MYO18B: variants seen among roughly 807,000 people sequenced by gnomAD.
MYO18B encodes myosin XVIIIB, also known as unconventional myosin-XVIIIb.
Under a neutral mutation model 273.0 loss-of-function variants are expected in MYO18B, and 204 were observed. The ratio of observed to expected loss-of-function variants is 0.75; its 90% CI spans 0.67 to 0.84. The LOEUF (loss-of-function observed/expected upper bound fraction) is 0.84, where lower values mean the gene tolerates loss of function less well. Ranked by LOEUF, MYO18B falls within the 40% of genes least tolerant of loss-of-function variation. The pLI, the probability that MYO18B is intolerant of heterozygous loss-of-function variation, is 0.00. For synonymous variants in MYO18B, 1,330 were observed against 1,305.7 expected, an observed-to-expected ratio of 1.02 and a Z score of -0.40; for missense variants, 3,212 against 3,287.6, an observed-to-expected ratio of 0.98 and a Z score of 0.56.
At chr22:25,746,050 C>G (rs1202319850) in intron 1 of MYO18B, among the ~76,000 whole-genome samples, 1 of 152,174 alleles carries the variant, frequency 6.6e-6, no homozygotes, top group African/African-American at 2.4e-5. Flanking sequence ...GAATACCTTC[C>G]TGCCAGAGAC....
intron 38 of MYO18B, among the ~76,000 whole-genome samples, chr22:25,954,595 G>T (rs5761327): frequency 1.1e-4 from 17 of 152,160 alleles, no homozygotes; most frequent in South Asian, 1.0e-3. Context: ...CCTCCATAAC[G>T]TGCCCAAGGT....
intron 13 of MYO18B, among the ~76,000 whole-genome samples, chr22:25,825,108 CCA>C (rs2089444222): frequency 6.6e-6 from 1 of 152,178 alleles, no homozygotes; most frequent in African/African-American, 2.4e-5. Context: ...GGCACAAACA[CCA>C]CACACATACT....
rs76530418 is a variant in MYO18B, at chr22:25,761,633, G to A, written c.39+502G>A. ...TTTAGTATTTTTCATGATACGCTAC[G>A]AAGGGCTGCCTCTTTCTAAGATGCC... On this transcript the variant is annotated intron_variant, in intron 2 of 43. Transcript: ENST00000335473. 9.9e-3 allele frequency among the ~76,000 whole-genome samples: 1,509 copies of A among 152,240 alleles called. 26 individuals are homozygous for A. The highest frequency in any genetic ancestry group is 0.034 in the African/African-American group (1,398 of 41,518).
intron 15 of MYO18B, among the ~76,000 whole-genome samples, chr22:25,831,412 C>T (rs926982890): frequency 3.3e-5 from 5 of 152,092 alleles, no homozygotes; most frequent in South Asian, 2.1e-4. Context: ...GATGGAGGTT[C>T]GCTCTTGTCG....
chr22:25,891,694 G>A (rs896967470), intron 27 of MYO18B, among the ~76,000 whole-genome samples: 15 of 152,138 alleles, frequency 9.9e-5, no homozygotes, highest in African/African-American at 3.4e-4. Flanking sequence ...GTGGCTTTAT[G>A]GGCAAGGTAC....
At chr22:25,911,692 C>T (rs1267141725) in intron 33 of MYO18B, among the ~76,000 whole-genome samples, 1 of 152,230 alleles carries the variant, frequency 6.6e-6, no homozygotes, top group East Asian at 1.9e-4. Flanking sequence ...CACCACATTG[C>T]AGTAGCCCAC....
chr22:25,754,131 G>C (rs1478473734), intron 1 of MYO18B, among the ~76,000 whole-genome samples: 2 of 152,162 alleles, frequency 1.3e-5, no homozygotes, highest in East Asian at 3.8e-4. Flanking sequence ...CCTTCATAGG[G>C]GCTGCTCTGG....
At position 25,780,182 on chromosome 22, in the gene MYO18B, C is replaced by T. The variant is rs1188332623; in HGVS notation, c.2195C>T (p.Thr732Ile). Residue 732 changes from threonine to isoleucine, a missense_variant, in exon 9 of 44, where the codon ACA (threonine) becomes ATA (isoleucine). By Grantham distance (89) the Thr-to-Ile change is moderately conservative. Coordinates refer to ENST00000335473, the MANE Select transcript of MYO18B (RefSeq NM_032608.7). ...SLDFNATGRI[T>I]AAQLQTMLLE... The stretch of plus-strand genomic sequence containing the variant: ...GACTTCAACGCTACAGGCCGCATCA[C>T]AGCTGCTCAGCTCCAGGTGAGGCCT... The T allele has an allele frequency of 6.2e-7, 1 of 1,605,040 alleles. No individual in the cohort carries two copies. The highest frequency in any genetic ancestry group is 8.5e-7 in the Non-Finnish European group (1 of 1,177,046).
intron 25 of MYO18B, among the ~76,000 whole-genome samples, chr22:25,882,928 CCT>C (rs2091386208): frequency 6.6e-6 from 1 of 151,934 alleles, no homozygotes. Context: ...ACAGAATCTC[CCT>C]CTTTTGCCCA....
chr22:26,048,848 G>C, the MYO18B span, among the ~76,000 whole-genome samples: 1 of 152,142 alleles, frequency 6.6e-6, no homozygotes, highest in Non-Finnish European at 1.5e-5. Flanking sequence ...TCTGCTTTCA[G>C]CTCTTTCAGG....
chr22:25,862,055 G>T (rs1417712709), intron 21 of MYO18B, among the ~76,000 whole-genome samples: 1 of 152,108 alleles, frequency 6.6e-6, no homozygotes, highest in Non-Finnish European at 1.5e-5. Flanking sequence ...TCTTGTCACG[G>T]TTCCCTAAAC....
At chr22:26,000,603 T>C (rs977890941) in intron 40 of MYO18B, among the ~76,000 whole-genome samples, 15 of 143,698 alleles carry the variant, frequency 1.0e-4, no homozygotes, top group Non-Finnish European at 2.2e-4. Flanking sequence ...TTTTTAAATC[T>C]CCTGTCCCGA....
chr22:25,805,449 G>C (rs1349680151), intron 12 of MYO18B, among the ~76,000 whole-genome samples: 1 of 152,192 alleles, frequency 6.6e-6, no homozygotes, highest in Admixed American at 6.5e-5. Flanking sequence ...TGGAGCCTCA[G>C]CTGGGAGCCC....
intron 8 of MYO18B, among the ~76,000 whole-genome samples, chr22:25,779,257 C>T (rs1403990318): frequency 6.6e-6 from 1 of 152,040 alleles, no homozygotes; most frequent in Non-Finnish European, 1.5e-5. Flanking sequence ...AACAGTTCCA[C>T]TTTTGGAATA....
intron 15 of MYO18B, among the ~76,000 whole-genome samples, chr22:25,830,292 CAG>C (rs2089658482): frequency 6.6e-6 from 1 of 152,060 alleles, no homozygotes; most frequent in Non-Finnish European, 1.5e-5. Context: ...ACGTGGAAAA[CAG>C]AGATAATAAT....
chr22:25,815,473 T>C (rs762293031), intron 12 of MYO18B, among the ~76,000 whole-genome samples: 2 of 152,222 alleles, frequency 1.3e-5, no homozygotes. Flanking sequence ...CAATGTCTTA[T>C]TTCATTCTTA....
At chr22:25,816,304 G>T (rs1199363003) in intron 12 of MYO18B, among the ~76,000 whole-genome samples, 6 of 152,006 alleles carry the variant, frequency 3.9e-5, no homozygotes, top group Admixed American at 3.3e-4. Flanking sequence ...TACTGAGCAG[G>T]TTGCCTGTTA....
At chr22:25,907,757 G>A (rs1027511605) in intron 31 of MYO18B, among the ~76,000 whole-genome samples, 2 of 152,130 alleles carry the variant, frequency 1.3e-5, no homozygotes, top group African/African-American at 2.4e-5. Flanking sequence ...GAAGGGGGCC[G>A]GGCCCGGTGG....
intron 12 of MYO18B, among the ~76,000 whole-genome samples, chr22:25,814,294 C>CTTTTTTTTTTTTTTTTT (rs398036691): frequency 1.3e-4 from 8 of 59,496 alleles, no homozygotes; most frequent in Non-Finnish European, 2.6e-4. Context: ...AGGCACCGTT[C>CTTTTTTTTTTTTTTTTT]TTTTTTTTTT....
Sources: gnomAD v4.1 joint callset for allele counts (sites outside exome capture counted in the v4.1 genomes callset) on GRCh38, gnomAD v4.1.1 for gene constraint, MANE v1.5 for transcripts, NCBI Gene and HGNC (gene_info 2026-07-23, HGNC 2026-07-21) for gene names.